RABGAP1L: variants seen among roughly 807,000 people sequenced by gnomAD.
RABGAP1L encodes the protein RAB GTPase activating protein 1 like.
A neutral mutation model predicts 137.7 loss-of-function variants in RABGAP1L; 63 were observed. That is an observed-to-expected ratio of 0.46 (90% CI 0.37 to 0.56). RABGAP1L has a LOEUF of 0.56. Among genes scored for constraint, RABGAP1L ranks in the 20% least tolerant of loss-of-function variants. The probability of loss-of-function intolerance (pLI) is 0.00; values close to 1 mark genes in which losing one functional copy is unlikely to be tolerated. For missense variants in RABGAP1L, 1,095 were observed against 1,244.0 expected (o/e 0.88, Z 1.80); for synonymous variants, 431 against 433.7 (o/e 0.99, Z 0.08).
intron 19 of RABGAP1L, among the ~76,000 whole-genome samples, chr1:174,876,870 C>T (rs1204028185): frequency 6.6e-6 from 1 of 151,822 alleles, no homozygotes; most frequent in Non-Finnish European, 1.5e-5. Context: ...TTTTCTTTAA[C>T]AGAAATACTC....
chr1:174,705,862 TTAAA>T (rs1680003577), intron 17 of RABGAP1L: 1 of 152,216 alleles, frequency 6.6e-6, no homozygotes, highest in South Asian at 2.1e-4. Context: ...AAACACAGTC[TTAAA>T]TAGATTATCC....
chr1:174,179,697 A>C (rs775731508), intron 1 of RABGAP1L, among the ~76,000 whole-genome samples: 1 of 152,196 alleles, frequency 6.6e-6, no homozygotes, highest in Admixed American at 6.5e-5. Flanking sequence ...GCATCATCAC[A>C]TTAGCACAGT....
intron 20 of RABGAP1L, chr1:174,957,965 G>C: frequency 6.4e-7 from 1 of 1,570,238 alleles, no homozygotes; most frequent in Non-Finnish European, 8.6e-7. Context: ...AGAAAGAGAG[G>C]GGAAAAAGAA....
chr1:174,958,320 A>T lies in RABGAP1L; in HGVS notation c.2433+771A>T, dbSNP rs995961066. On this transcript the variant is annotated intron_variant, in intron 20 of 25. Transcript: ENST00000681986. ...CGTTCGTTAATTGTGAATCTCTTCA[A>T]TGGTAATTAGCAACACTGTTCCCAG... 9 of 748,564 alleles carry T rather than the reference A, an allele frequency of 1.2e-5. No individual in the cohort carries two copies. In the East Asian group the frequency reaches 3.9e-4, roughly 32 times the overall value. 46.4% of individuals were successfully genotyped at this position (748,564 alleles called of 1,614,324 possible). A position where few individuals can be genotyped will look rare whatever the true frequency, so the allele number is the denominator to read the frequency against.
chr1:174,892,228 T>C (rs1258958120), intron 19 of RABGAP1L, among the ~76,000 whole-genome samples: 2 of 152,234 alleles, frequency 1.3e-5, no homozygotes, highest in Non-Finnish European at 2.9e-5. Flanking sequence ...CTCTCCCGCC[T>C]GGGCTCAGCC....
At chr1:174,283,272 G>A (rs974461686) in intron 10 of RABGAP1L, among the ~76,000 whole-genome samples, 1 of 151,926 alleles carries the variant, frequency 6.6e-6, no homozygotes, top group African/African-American at 2.4e-5. Flanking sequence ...CAAGCGTGGT[G>A]GTGTGCACCT....
Position 174,994,620 on chromosome 1 carries a change from G to A in RABGAP1L, c.*4619G>A. 6.6e-6 allele frequency: 1 copy of A among 152,148 alleles called. No individual in the cohort carries two copies. The highest frequency in any genetic ancestry group is 1.9e-4 in the East Asian group (1 of 5,194). The allele number at this position is 152,148 out of a possible 1,614,324, so 9.4% of individuals were successfully genotyped here. A position where few individuals can be genotyped will look rare whatever the true frequency, so the allele number is the denominator to read the frequency against. On this transcript the variant is annotated 3_prime_UTR_variant, in exon 26 of 26. Transcript: ENST00000681986. ...TGGGATAAAATATATGGACTGAATT[G>A]TGAGAATATAAATGCATCGAAAGAC...
At chr1:174,672,804 C>T (rs987446506) in intron 14 of RABGAP1L, among the ~76,000 whole-genome samples, 5 of 151,942 alleles carry the variant, frequency 3.3e-5, no homozygotes, top group East Asian at 1.9e-4. Context: ...TTTTATACTA[C>T]GGTTGGAGAT....
rs189405564 is a variant in RABGAP1L, at chr1:174,963,815, C to T, written c.2434-5462C>T. On this transcript the variant is annotated intron_variant, in intron 20 of 25. Coordinates refer to ENST00000681986, the MANE Select transcript of RABGAP1L (RefSeq NM_001366446.1). ...TTGAGAAATTTCAACATAGACCATG[C>T]GACCTGCAAAGCCTAATATAGTTAC... Among the ~76,000 whole-genome samples the T allele has an allele frequency of 3.9e-5, 6 of 152,076 alleles. No homozygotes were observed. The South Asian group carries it at 6.2e-4, about 16-fold the overall frequency.
chr1:174,598,032 G>A (rs1406282253), intron 13 of RABGAP1L, among the ~76,000 whole-genome samples: 2 of 151,898 alleles, frequency 1.3e-5, no homozygotes, highest in Non-Finnish European at 2.9e-5. Context: ...ATGATTTCAG[G>A]TTTTAAAAAC....
intron 13 of RABGAP1L, among the ~76,000 whole-genome samples, chr1:174,484,066 T>A (rs1470578434): frequency 1.3e-5 from 2 of 152,178 alleles, no homozygotes; most frequent in Non-Finnish European, 2.9e-5. Context: ...CTCGCCAGCA[T>A]CTGTTATTGC....
At chr1:174,565,161 G>A (rs1667487213) in intron 13 of RABGAP1L, among the ~76,000 whole-genome samples, 1 of 152,100 alleles carries the variant, frequency 6.6e-6, no homozygotes, top group Non-Finnish European at 1.5e-5. Context: ...TGGGTTTGGT[G>A]GAATATGTGA....
chr1:174,513,087 T>G (rs1279628297), intron 13 of RABGAP1L, among the ~76,000 whole-genome samples: 1 of 152,180 alleles, frequency 6.6e-6, no homozygotes, highest in Non-Finnish European at 1.5e-5. Flanking sequence ...TTATGACAGT[T>G]GTTAATATTA....
chr1:174,717,702 T>C (rs765149214), intron 17 of RABGAP1L, among the ~76,000 whole-genome samples: 1 of 152,218 alleles, frequency 6.6e-6, no homozygotes, highest in Non-Finnish European at 1.5e-5. Context: ...CTAATTCTTG[T>C]CTTAGACCTT....
chr1:174,368,471 T>C (rs1157592635), intron 11 of RABGAP1L, among the ~76,000 whole-genome samples: 1 of 152,224 alleles, frequency 6.6e-6, no homozygotes, highest in Non-Finnish European at 1.5e-5. Context: ...CTAGGTATTA[T>C]CAATTTTTAT....
intron 13 of RABGAP1L, among the ~76,000 whole-genome samples, chr1:174,600,111 A>G (rs1487935198): frequency 2.6e-5 from 4 of 152,170 alleles, no homozygotes; most frequent in African/African-American, 9.7e-5. Context: ...AGCAAGAGAA[A>G]ATGAGAAAGA....
At chr1:174,820,232 A>G (rs1414620787) in intron 19 of RABGAP1L, among the ~76,000 whole-genome samples, 1 of 152,228 alleles carries the variant, frequency 6.6e-6, no homozygotes, top group African/African-American at 2.4e-5. Context: ...AGGTTTGCCA[A>G]TATGAGGCAA....
intron 1 of RABGAP1L, among the ~76,000 whole-genome samples, chr1:174,170,491 A>G (rs1213702714): frequency 6.6e-6 from 1 of 152,016 alleles, no homozygotes; most frequent in Non-Finnish European, 1.5e-5. Context: ...TCCTGGCCAC[A>G]TGGTGAAACC....
intron 1 of RABGAP1L, among the ~76,000 whole-genome samples, chr1:174,215,586 A>G (rs530465162): frequency 6.6e-6 from 1 of 152,348 alleles, no homozygotes; most frequent in East Asian, 1.9e-4. Context: ...AGCAACACTG[A>G]TCATCAGAGA....
Sources: allele counts gnomAD v4.1 joint callset (sites outside exome capture counted in the v4.1 genomes callset), GRCh38; gene constraint gnomAD v4.1.1; transcripts MANE v1.5; gene names NCBI Gene and HGNC (gene_info 2026-07-23, HGNC 2026-07-21).